ATP8A2: variants seen among roughly 807,000 people sequenced by gnomAD.
The protein encoded by ATP8A2 is ATPase phospholipid transporting 8A2, also known as phospholipid-transporting ATPase IB.
A neutral mutation model predicts 165.6 loss-of-function variants in ATP8A2; 100 were observed. The observed-to-expected ratio is 0.60, with a 90% CI of 0.51 to 0.71. ATP8A2 has a LOEUF of 0.71. Ranked by LOEUF, ATP8A2 falls within the 30% of genes least tolerant of loss-of-function variation. The probability of loss-of-function intolerance (pLI) is 0.00; values close to 1 mark genes in which losing one functional copy is unlikely to be tolerated. For missense variants in ATP8A2, 1,227 were observed against 1,479.5 expected, an observed-to-expected ratio of 0.83 and a Z score of 2.80; for synonymous variants, 543 against 548.8, an observed-to-expected ratio of 0.99 and a Z score of 0.15.
intron 1 of ATP8A2, among the ~76,000 whole-genome samples, chr13:25,390,564 G>C (rs1346000066): frequency 6.6e-6 from 1 of 152,088 alleles, no homozygotes; most frequent in Non-Finnish European, 1.5e-5. Flanking sequence ...GTCTTTCCCA[G>C]AATGTCATAC....
chr13:25,782,137 G>A (rs528892742), intron 27 of ATP8A2, among the ~76,000 whole-genome samples: 1 of 152,234 alleles, frequency 6.6e-6, no homozygotes, highest in African/African-American at 2.4e-5. Context: ...GTTTCATTTG[G>A]GGGACACAAG....
At chr13:25,897,540 T>C (rs1036264494) in intron 33 of ATP8A2, among the ~76,000 whole-genome samples, 2 of 152,172 alleles carry the variant, frequency 1.3e-5, no homozygotes, top group Non-Finnish European at 2.9e-5. Context: ...AGGAGTATCT[T>C]TGTGGCGTTC....
chr13:25,466,258 GT>G (rs1303790492), intron 1 of ATP8A2, among the ~76,000 whole-genome samples: 1 of 151,858 alleles, frequency 6.6e-6, no homozygotes, highest in African/African-American at 2.4e-5. Context: ...GGGTTGATTT[GT>G]TTTTTTTAGT....
At chr13:25,441,244 A>G (rs1032328231) in intron 1 of ATP8A2, among the ~76,000 whole-genome samples, 1 of 152,244 alleles carries the variant, frequency 6.6e-6, no homozygotes, top group African/African-American at 2.4e-5. Context: ...AAGAACATAA[A>G]TGGAATTCTG....
intron 2 of ATP8A2, among the ~76,000 whole-genome samples, chr13:25,524,886 A>ACTTCCTTC (rs58154499): frequency 0.018 from 2,589 of 141,634 alleles, 39 homozygotes; most frequent in African/African-American, 0.036. Context: ...TTGTTTGATA[A>ACTTCCTTC]CTTCCTTCCT....
At chr13:25,482,222 G>T (rs967269296) in intron 2 of ATP8A2, among the ~76,000 whole-genome samples, 3 of 152,172 alleles carry the variant, frequency 2.0e-5, no homozygotes, top group African/African-American at 7.2e-5. Context: ...AAACCATCTG[G>T]TCAGACCCAG....
At chr13:25,448,333 G>C (rs1347490962) in intron 1 of ATP8A2, among the ~76,000 whole-genome samples, 1 of 152,120 alleles carries the variant, frequency 6.6e-6, no homozygotes, top group Admixed American at 6.5e-5. Context: ...CTTAGTTTTT[G>C]TTTGAAGAGT....
chr13:25,407,091 G>A (rs1464449788), intron 1 of ATP8A2, among the ~76,000 whole-genome samples: 1 of 152,240 alleles, frequency 6.6e-6, no homozygotes, highest in African/African-American at 2.4e-5. Flanking sequence ...AGAAGAGACT[G>A]CCTAGATCTC....
intron 33 of ATP8A2, among the ~76,000 whole-genome samples, chr13:25,884,401 A>G (rs1355484252): frequency 6.6e-6 from 1 of 152,116 alleles, no homozygotes; most frequent in Non-Finnish European, 1.5e-5. Context: ...TCAAGGGCCA[A>G]TTTGTTTGTG....
chr13:25,483,530 A>G (rs2036267498), intron 2 of ATP8A2, among the ~76,000 whole-genome samples: 1 of 152,184 alleles, frequency 6.6e-6, no homozygotes, highest in African/African-American at 2.4e-5. Context: ...CCCTACCTCT[A>G]GATCTGTTTG....
At chr13:25,878,481 A>T (rs751648689) in intron 33 of ATP8A2, among the ~76,000 whole-genome samples, 13,372 of 114,282 alleles carry the variant, frequency 0.12, 660 homozygotes, top group African/African-American at 0.18. Context: ...CCATAGGCAG[A>T]GCTGGTGGGA....
At chr13:25,998,607 TG>T (rs1956566718) in intron 35 of ATP8A2, among the ~76,000 whole-genome samples, 1 of 152,200 alleles carries the variant, frequency 6.6e-6, no homozygotes, top group African/African-American at 2.4e-5. Context: ...CTGCCTCTAC[TG>T]GGAAAACCTT....
chr13:25,731,296 G>A (rs1211403134), intron 25 of ATP8A2, among the ~76,000 whole-genome samples: 1 of 147,826 alleles, frequency 6.8e-6, no homozygotes, highest in Admixed American at 6.8e-5. Flanking sequence ...AAGAGAGAGA[G>A]AAAGAAAGAA....
chr13:25,993,349 T>G (rs57798033), intron 35 of ATP8A2, among the ~76,000 whole-genome samples: 2 of 151,838 alleles, frequency 1.3e-5, no homozygotes, highest in African/African-American at 4.8e-5. Flanking sequence ...CAAGACAGGG[T>G]TGCCCTCTCT....
intron 27 of ATP8A2, among the ~76,000 whole-genome samples, chr13:25,791,575 A>ACACT (rs1464036538): frequency 2.0e-5 from 3 of 149,202 alleles, no homozygotes; most frequent in African/African-American, 2.5e-5. Flanking sequence ...ACACACACAC[A>ACACT]CTCCAGCTAC....
At chr13:25,875,237 C>A (rs1018210951) in intron 33 of ATP8A2, among the ~76,000 whole-genome samples, 2 of 149,278 alleles carry the variant, frequency 1.3e-5, no homozygotes, top group African/African-American at 5.2e-5. Context: ...GATAGTAAAT[C>A]TTAAGTTTTT....
At chr13:25,718,991 G>A (rs3117859) in intron 25 of ATP8A2, among the ~76,000 whole-genome samples, 26,411 of 151,948 alleles carry the variant, frequency 0.17, 2,814 homozygotes, top group East Asian at 0.38. Flanking sequence ...TGCATGTTTC[G>A]GGGTTTCAGA....
intron 1 of ATP8A2, among the ~76,000 whole-genome samples, chr13:25,468,427 C>T (rs186142556): frequency 6.6e-6 from 1 of 152,208 alleles, no homozygotes; most frequent in South Asian, 2.1e-4. Flanking sequence ...CCATTTTTAG[C>T]GTCCAGAGGT....
At chr13:25,676,085 A>G (rs1365016289) in intron 24 of ATP8A2, among the ~76,000 whole-genome samples, 1 of 152,210 alleles carries the variant, frequency 6.6e-6, no homozygotes, top group African/African-American at 2.4e-5. Flanking sequence ...ATGTATATGT[A>G]TATTTTAAGA....
Sources: gnomAD v4.1 joint callset for allele counts (sites outside exome capture counted in the v4.1 genomes callset) on GRCh38, gnomAD v4.1.1 for gene constraint, MANE v1.5 for transcripts, NCBI Gene and HGNC (gene_info 2026-07-23, HGNC 2026-07-21) for gene names.